MFSD11: variants seen among roughly 807,000 people sequenced by gnomAD.
MFSD11 encodes the protein UNC93-like protein MFSD11.
MFSD11 carries 36 observed loss-of-function variants against 53.5 expected under a neutral mutation model. The ratio of observed to expected loss-of-function variants is 0.67; its 90% CI spans 0.52 to 0.89. The LOEUF (loss-of-function observed/expected upper bound fraction) is 0.89. MFSD11 is among the 40% of genes least tolerant of loss of function. MFSD11 has a pLI of 0.00. For synonymous variants in MFSD11, 186 were observed against 184.9 expected (o/e 1.01, Z -0.05); for missense variants, 530 against 543.9 (o/e 0.97, Z 0.25).
At chr17:76,796,234 C>T in the MFSD11 span, among the ~76,000 whole-genome samples, 1 of 152,148 alleles carries the variant, frequency 6.6e-6, no homozygotes, top group Non-Finnish European at 1.5e-5. Context: ...ATCTTCAGGA[C>T]CTGGCATAAG....
chr17:76,796,810 C>CAAA, the MFSD11 span, among the ~76,000 whole-genome samples: 6 of 20,896 alleles, frequency 2.9e-4, no homozygotes, highest in Admixed American at 1.0e-3. Flanking sequence ...ACTAAAAATA[C>CAAA]CAAAAAAAAA....
the MFSD11 span, among the ~76,000 whole-genome samples, chr17:76,796,436 C>CT: frequency 6.6e-6 from 1 of 152,192 alleles, no homozygotes; most frequent in Admixed American, 6.5e-5. Context: ...AGTCTACAGT[C>CT]TAATATCCTC....
chr17:76,783,056 A>G (rs2082208613), downstream of MFSD11, among the ~76,000 whole-genome samples: 1 of 151,736 alleles, frequency 6.6e-6, no homozygotes, highest in Non-Finnish European at 1.5e-5. Context: ...AGGAGCCTGT[A>G]ATCCCAGCTA....
At chr17:76,778,119 G>C (rs1230135692) in intron 12 of MFSD11, 69 bp from the exon 13 acceptor site, 2 of 1,538,836 alleles carry the variant, frequency 1.3e-6, no homozygotes, top group Admixed American at 3.4e-5. Flanking sequence ...TAGGAGTGGG[G>C]CTAGGGGCTA....
intron 8 of MFSD11, among the ~76,000 whole-genome samples, chr17:76,755,812 ATTTTTTTTTT>A (rs552254902): frequency 6.7e-4 from 13 of 19,520 alleles, no homozygotes; most frequent in African/African-American, 1.8e-3. Flanking sequence ...ATATATATAT[ATTTTTTTTTT>A]TTTTTTTTTT....
chr17:76,755,822 T>A (rs1239238626), intron 8 of MFSD11, among the ~76,000 whole-genome samples: 120 of 28,490 alleles, frequency 4.2e-3, no homozygotes, highest in Middle Eastern at 0.019. Context: ...ATTTTTTTTT[T>A]TTTTTTTTTT....
chr17:76,778,013 T>C (rs2081999151), intron 12 of MFSD11, among the ~76,000 whole-genome samples, 175 bp from the exon 13 acceptor site: 1 of 152,114 alleles, frequency 6.6e-6, no homozygotes, highest in South Asian at 2.1e-4. Flanking sequence ...GGCAGGAGTT[T>C]ATGGTGCATG....
intron 10 of MFSD11, among the ~76,000 whole-genome samples, chr17:76,770,259 C>T (rs540510297): frequency 3.9e-5 from 6 of 152,078 alleles, no homozygotes; most frequent in African/African-American, 9.6e-5. Context: ...AGGATGGTCT[C>T]GATCTCCTGA....
At chr17:76,746,822 G>A (rs1184546401) in intron 7 of MFSD11, among the ~76,000 whole-genome samples, 1 of 152,164 alleles carries the variant, frequency 6.6e-6, no homozygotes, top group Non-Finnish European at 1.5e-5. Context: ...TCAGCCAAGT[G>A]CTTTGTTGGA....
In MFSD11 at chr17:76,741,971, T is replaced by A; in HGVS notation, c.263T>A (p.Met88Lys). Reference sequence around the variant, plus strand: ...TACCTTGACCTGTTATATTTTAGCATGTACATTGCCGTTTTCATCCAGCCT... The same window carrying A: ...TACCTTGACCTGTTATATTTTAGCAAGTACATTGCCGTTTTCATCCAGCCT... ...SMFASGLFYS[M>K]YIAVFIQPFP... The change falls in exon 4 of 13, where the codon ATG becomes AAG. Residue 88 changes from methionine to lysine, a missense_variant and splice_region_variant. By Grantham distance (95) the Met-to-Lys change is moderately conservative. Transcript: ENST00000685175. 1 of 1,614,160 alleles carries A rather than the reference T, an allele frequency of 6.2e-7. No homozygotes were observed. The highest frequency in any genetic ancestry group is 8.5e-7 in the Non-Finnish European group (1 of 1,180,004).
intron 8 of MFSD11, among the ~76,000 whole-genome samples, chr17:76,758,521 T>C (rs778184740): frequency 2.1e-5 from 3 of 141,210 alleles, no homozygotes; most frequent in Non-Finnish European, 4.5e-5. Context: ...AGGTCAAGGC[T>C]GCAGTAAACA....
At chr17:76,757,107 A>G (rs1414761291) in intron 8 of MFSD11, among the ~76,000 whole-genome samples, 1 of 152,072 alleles carries the variant, frequency 6.6e-6, no homozygotes, top group Non-Finnish European at 1.5e-5. Context: ...GTCCCCAGCC[A>G]TGGTGAAGCT....
upstream of MFSD11, chr17:76,737,654 C>T (rs1324763863): frequency 1.0e-5 from 2 of 191,904 alleles, no homozygotes; most frequent in Admixed American, 5.9e-5. Flanking sequence ...ACCTTTTTTT[C>T]ATGCCAATAC....
the MFSD11 span, among the ~76,000 whole-genome samples, chr17:76,798,806 T>A: frequency 2.0e-5 from 3 of 151,864 alleles, no homozygotes; most frequent in Non-Finnish European, 4.4e-5. Context: ...GGCAGGAGGA[T>A]CACCTGAGGT....
At chr17:76,753,440 A>G (rs2079246514) in intron 7 of MFSD11, among the ~76,000 whole-genome samples, 1 of 152,172 alleles carries the variant, frequency 6.6e-6, no homozygotes, top group African/African-American at 2.4e-5. Flanking sequence ...CAGGATGCTG[A>G]GGCAGGTGGA....
chr17:76,794,480 GA>G, the MFSD11 span, among the ~76,000 whole-genome samples: 137 of 138,954 alleles, frequency 9.9e-4, 9 homozygotes, highest in African/African-American at 3.6e-3. Flanking sequence ...CCGTCTCAAA[GA>G]AAAAAAAAAA....
chr17:76,795,509 A>C, the MFSD11 span, among the ~76,000 whole-genome samples: 3 of 151,990 alleles, frequency 2.0e-5, no homozygotes, highest in Non-Finnish European at 4.4e-5. Flanking sequence ...AAAATTATAA[A>C]GTATGCAGGA....
In MFSD11 at chr17:76,738,996, A is replaced by G; in HGVS notation, c.152+3A>G. The G allele has an allele frequency of 6.2e-7, 1 of 1,610,334 alleles. No homozygotes were observed. The highest frequency in any genetic ancestry group is 8.5e-7 in the Non-Finnish European group (1 of 1,176,690). On this transcript the variant is annotated splice_donor_region_variant and intron_variant, in intron 2 of 12. Coordinates refer to ENST00000685175, the MANE Select transcript of MFSD11 (RefSeq NM_001242532.5). ...TTTCACGGCAGTGGATATACCAGGT[A>G]TTGTACCGTATGATTGATTTTGCTT... is the stretch of plus-strand genomic sequence containing the variant.
Position 76,742,010 on chromosome 17 carries a change from T to C in MFSD11, c.302T>C (p.Phe101Ser). 1 of 1,614,198 alleles carries C rather than the reference T, an allele frequency of 6.2e-7. No homozygotes were observed. The highest frequency in any genetic ancestry group is 8.5e-7 in the Non-Finnish European group (1 of 1,180,040). The part of the protein sequence containing the change: ...AVFIQPFPWS[F>S]YTASVFIGIA... Reference sequence around the variant, plus strand: ...TTCATCCAGCCTTTCCCGTGGTCCTTCTACACAGCCTCTGTTTTCATTGGA... The same window carrying C: ...TTCATCCAGCCTTTCCCGTGGTCCTCCTACACAGCCTCTGTTTTCATTGGA... Residue 101 changes from phenylalanine (F) to serine (S), a missense_variant, in exon 4 of 13, where the codon TTC (phenylalanine) becomes TCC (serine). Coordinates refer to ENST00000685175, the MANE Select transcript of MFSD11 (RefSeq NM_001242532.5).
Sources: allele counts gnomAD v4.1 joint callset (sites outside exome capture counted in the v4.1 genomes callset), GRCh38; gene constraint gnomAD v4.1.1; transcripts MANE v1.5; gene names NCBI Gene and HGNC (gene_info 2026-07-23, HGNC 2026-07-21).